The following TJP2 variants were observed in gnomAD, a reference collection of about 807,000 sequenced individuals.
TJP2 encodes tight junction protein 2.
In TJP2, 91 loss-of-function variants were observed where a neutral mutation model predicts 133.1. The ratio of observed to expected loss-of-function variants is 0.68; its 90% CI spans 0.58 to 0.81. TJP2 has a LOEUF of 0.81. Among genes scored for constraint, TJP2 ranks in the 40% least tolerant of loss-of-function variants. TJP2 has a pLI of 0.00. For synonymous variants in TJP2, 592 were observed against 583.4 expected, an observed-to-expected ratio of 1.01 and a Z score of -0.21; for missense variants, 1,541 against 1,565.6, an observed-to-expected ratio of 0.98 and a Z score of 0.26.
intron 4 of TJP2, 53 bp from the exon 5 acceptor site, chr9:69,220,834 C>G: frequency 6.4e-7 from 1 of 1,569,206 alleles, no homozygotes; most frequent in Non-Finnish European, 8.8e-7. Flanking sequence ...ACTGCCTTCT[C>G]CACATTCAGT....
chr9:69,240,050 C>T lies in TJP2; in HGVS notation c.2469C>T (p.Thr823=). 1 of 1,614,030 alleles carries T rather than the reference C, an allele frequency of 6.2e-7. No individual in the cohort carries two copies. Among genetic ancestry groups the T allele is most frequent in the South Asian group, 1.1e-5 (1 of 91,082 alleles). Residue 823 remains threonine (T), a synonymous_variant, in exon 17 of 23, where the codon ACC becomes ACT. Coordinates refer to ENST00000377245, the MANE Select transcript of TJP2 (RefSeq NM_004817.4). The part of the protein sequence containing the change: ...FNPDSRQGVK[T]MRQRLNPTSN... The stretch of plus-strand genomic sequence containing the variant: ...CAGACTCCAGACAAGGTGTCAAAAC[C>T]ATGAGACAAAGGTTAAATCCAACGT...
chr9:69,237,868 G>A lies in TJP2; in HGVS notation c.2180-10G>A. 1 of 1,607,348 alleles carries A rather than the reference G, an allele frequency of 6.2e-7. No individual in the cohort carries two copies. The highest frequency in any genetic ancestry group is 8.5e-7 in the Non-Finnish European group (1 of 1,174,138). ...TGTGTATGCTTTAATGGCCTTTCTTGTCATTTCAGCTGGTTTCAAGAGACC... is the reference window on the plus strand; with the variant it reads ...TGTGTATGCTTTAATGGCCTTTCTTATCATTTCAGCTGGTTTCAAGAGACC... On this transcript the variant is annotated splice_polypyrimidine_tract_variant and intron_variant, in intron 14 of 22. Coordinates refer to ENST00000377245, the MANE Select transcript of TJP2 (RefSeq NM_004817.4).
intron 1 of TJP2, among the ~76,000 whole-genome samples, chr9:69,133,702 C>A (rs1822599947): frequency 6.6e-6 from 1 of 152,110 alleles, no homozygotes; most frequent in South Asian, 2.1e-4. Flanking sequence ...CAGCGTGCAC[C>A]ATCATGCCCA....
At chr9:69,192,651 G>A (rs1178020157) in intron 1 of TJP2, among the ~76,000 whole-genome samples, 1 of 152,166 alleles carries the variant, frequency 6.6e-6, no homozygotes, top group Non-Finnish European at 1.5e-5. Context: ...TTATTCTGGT[G>A]TGTACATCCG....
chr9:69,221,863 C>CGT (rs1476017619), intron 5 of TJP2, among the ~76,000 whole-genome samples: 1 of 112,246 alleles, frequency 8.9e-6, no homozygotes, highest in African/African-American at 3.7e-5. Context: ...GGAATAGCTA[C>CGT]TTTTTTTTTT....
At chr9:69,182,478 T>C (rs1288707056) in intron 1 of TJP2, among the ~76,000 whole-genome samples, 1 of 152,196 alleles carries the variant, frequency 6.6e-6, no homozygotes, top group Non-Finnish European at 1.5e-5. Context: ...TGAATTTTAA[T>C]CAAAGGTCTG....
At chr9:69,184,752 CTTT>C (rs564424748) in intron 1 of TJP2, among the ~76,000 whole-genome samples, 1 of 125,844 alleles carries the variant, frequency 7.9e-6, no homozygotes, top group Admixed American at 9.0e-5. Context: ...TCTCTCTCTT[CTTT>C]TTTTTTTTTT....
intron 11 of TJP2, among the ~76,000 whole-genome samples, chr9:69,231,510 G>A (rs1407533483): frequency 6.6e-6 from 1 of 152,004 alleles, no homozygotes; most frequent in Non-Finnish European, 1.5e-5. Context: ...AGTAAACTAA[G>A]GGGTCTGGTA....
At chr9:69,139,579 G>A (rs1385454859) in intron 1 of TJP2, among the ~76,000 whole-genome samples, 1 of 152,122 alleles carries the variant, frequency 6.6e-6, no homozygotes, top group Non-Finnish European at 1.5e-5. Context: ...TCTTGGACTC[G>A]CAGGCATGAG....
At chr9:69,229,032 T>A in intron 9 of TJP2, 152 bp from the exon 10 acceptor site, 1 of 736,370 alleles carries the variant, frequency 1.4e-6, no homozygotes, top group Non-Finnish European at 2.4e-6. Flanking sequence ...TGCTAATACT[T>A]CAGAGTTAAA....
intron 19 of TJP2, chr9:69,248,882 T>C (rs1022923676): frequency 1.0e-6 from 1 of 992,566 alleles, no homozygotes; most frequent in Non-Finnish European, 1.2e-6. Context: ...GGATTGTTCA[T>C]ATATTTGGAT....
intron 11 of TJP2, among the ~76,000 whole-genome samples, chr9:69,232,835 A>G (rs1016243517): frequency 6.6e-6 from 1 of 152,224 alleles, no homozygotes; most frequent in African/African-American, 2.4e-5. Context: ...GATTTTTAAA[A>G]TATAACTACC....
At chr9:69,210,742 C>CTTTTT (rs200516626) in intron 1 of TJP2, among the ~76,000 whole-genome samples, 3 of 117,878 alleles carry the variant, frequency 2.5e-5, no homozygotes, top group Non-Finnish European at 3.5e-5. Flanking sequence ...ATTTTGAGTT[C>CTTTTT]TTTTTTTTTT....
At chr9:69,174,834 G>A (rs1824948074) in intron 1 of TJP2, among the ~76,000 whole-genome samples, 1 of 151,834 alleles carries the variant, frequency 6.6e-6, no homozygotes. Context: ...GTACGTGAGA[G>A]AAACTGAAAA....
rs543803085 is a variant in TJP2, at chr9:69,248,372, C to T, written c.2880+148C>T. The T allele has an allele frequency of 6.0e-5, 86 of 1,444,028 alleles. No individual in the cohort carries two copies. In the African/African-American group the frequency reaches 1.1e-3, roughly 18 times the overall value. The allele number at this position is 1,444,028 out of a possible 1,614,324, so 89.5% of individuals were successfully genotyped here. On this transcript the variant is annotated intron_variant, in intron 19 of 22. Coordinates refer to ENST00000377245, the MANE Select transcript of TJP2 (RefSeq NM_004817.4). ...CAGGGAGTCTCTCGCTTTGAGTCCA[C>T]GCTGGCATGGTTGCAGTCTGTGGGA...
chr9:69,191,979 C>T (rs1393083881), intron 1 of TJP2, among the ~76,000 whole-genome samples: 2 of 151,984 alleles, frequency 1.3e-5, no homozygotes, highest in Admixed American at 1.3e-4. Context: ...CTCAGGTGAT[C>T]CACCTGCCTC....
intron 1 of TJP2, among the ~76,000 whole-genome samples, chr9:69,206,983 A>G (rs750309196): frequency 1.3e-5 from 2 of 152,176 alleles, no homozygotes; most frequent in South Asian, 2.1e-4. Context: ...CCCATTACAC[A>G]TATCTGCAGA....
intron 7 of TJP2, among the ~76,000 whole-genome samples, chr9:69,226,602 G>C (rs1178247419): frequency 6.6e-6 from 1 of 152,114 alleles, no homozygotes; most frequent in East Asian, 1.9e-4. Context: ...AGGTTCAAGT[G>C]ATCCTTCTGC....
At chr9:69,146,553 T>C (rs10124154) in intron 1 of TJP2, among the ~76,000 whole-genome samples, 1 of 152,210 alleles carries the variant, frequency 6.6e-6, no homozygotes, top group Non-Finnish European at 1.5e-5. Flanking sequence ...ATTTTTATCA[T>C]ATGAGCAATG....
Sources: gnomAD v4.1 joint callset for allele counts (sites outside exome capture counted in the v4.1 genomes callset) on GRCh38, gnomAD v4.1.1 for gene constraint, MANE v1.5 for transcripts, NCBI Gene and HGNC (gene_info 2026-07-23, HGNC 2026-07-21) for gene names.